PBX3: variants seen among roughly 807,000 people sequenced by gnomAD.
PBX3 encodes the protein pre-B-cell leukemia transcription factor 3.
In PBX3, 14 loss-of-function variants were observed where a neutral mutation model predicts 48.5. The ratio of observed to expected loss-of-function variants is 0.29; its 90% CI spans 0.19 to 0.45. PBX3 has a LOEUF of 0.45. Ranked by LOEUF, PBX3 falls within the 20% of genes least tolerant of loss-of-function variation. PBX3 has a pLI of 1.00. For synonymous variants in PBX3, 210 were observed against 200.3 expected, an observed-to-expected ratio of 1.05 and a Z score of -0.41; for missense variants, 386 against 546.7, an observed-to-expected ratio of 0.71 and a Z score of 2.93.
Position 125,915,798 on chromosome 9 carries a change from G to T in PBX3, c.387G>T (p.Ser129=). The change falls in exon 3 of 9, where the codon TCG becomes TCT. Residue 129 remains serine, a synonymous_variant. Transcript: ENST00000373489. ...CAGGTCCTGAGAAAGGTGGGGGATC[G>T]GCGGCAGCAGCTGCAGCCGCGGCAG... ...GVSGPEKGGG[S]AAAAAAAAAS... 1 of 1,613,442 alleles carries T rather than the reference G, an allele frequency of 6.2e-7. No individual in the cohort carries two copies. The highest frequency in any genetic ancestry group is 8.5e-7 in the Non-Finnish European group (1 of 1,179,840).
chr9:125,774,947 A>G (rs1588133280), intron 2 of PBX3, among the ~76,000 whole-genome samples: 1 of 151,832 alleles, frequency 6.6e-6, no homozygotes, highest in Non-Finnish European at 1.5e-5. Context: ...CCTTACTGCA[A>G]CCTCTGCTTC....
rs748417585 is a variant in PBX3 at position 125,876,227 on chromosome 9, T to C, written c.275-39459T>C. Among the ~76,000 whole-genome samples, 146 of 152,234 alleles carry C rather than the reference T, an allele frequency of 9.6e-4. 1 individual carries two copies. The highest frequency in any genetic ancestry group is 1.7e-3 in the Non-Finnish European group (113 of 68,034). ...TTGGCTTTTACTTATTTCCCACTTA[T>C]ACTGTTTAATGACAGTTATTTAAGA... On this transcript the variant is annotated intron_variant, in intron 2 of 8. Coordinates refer to ENST00000373489, the MANE Select transcript of PBX3 (RefSeq NM_006195.6).
At chr9:125,789,674 T>C (rs550743317) in intron 2 of PBX3, among the ~76,000 whole-genome samples, 1 of 152,214 alleles carries the variant, frequency 6.6e-6, no homozygotes, top group South Asian at 2.1e-4. Context: ...CAGTCCATGC[T>C]CAAGGGGAGG....
intron 2 of PBX3, among the ~76,000 whole-genome samples, chr9:125,811,985 A>C (rs946662268): frequency 4.6e-5 from 7 of 152,174 alleles, no homozygotes; most frequent in Non-Finnish European, 5.9e-5. Flanking sequence ...CATGAATTAT[A>C]TTAATACCCT....
intron 2 of PBX3, among the ~76,000 whole-genome samples, chr9:125,904,998 C>T (rs1395169816): frequency 6.6e-6 from 1 of 151,878 alleles, no homozygotes; most frequent in East Asian, 1.9e-4. Context: ...AGTTCAAAAT[C>T]AGGTCTCTTT....
At chr9:125,853,241 A>G (rs1239337423) in intron 2 of PBX3, among the ~76,000 whole-genome samples, 4 of 152,210 alleles carry the variant, frequency 2.6e-5, no homozygotes, top group African/African-American at 7.2e-5. Context: ...ATGCTGACAA[A>G]TTAAGGTCTC....
intron 2 of PBX3, among the ~76,000 whole-genome samples, chr9:125,786,682 T>G (rs1837465292): frequency 6.6e-6 from 1 of 151,952 alleles, no homozygotes; most frequent in South Asian, 2.1e-4. Flanking sequence ...GACATTTCGA[T>G]TTTTAAGACT....
intron 2 of PBX3, among the ~76,000 whole-genome samples, chr9:125,785,881 T>G (rs1682438736): frequency 6.6e-6 from 1 of 151,736 alleles, no homozygotes; most frequent in Non-Finnish European, 1.5e-5. Flanking sequence ...GGTTGGGAGA[T>G]GATACAAGGG....
At chr9:125,771,724 A>T (rs1836945227) in intron 2 of PBX3, among the ~76,000 whole-genome samples, 1 of 152,094 alleles carries the variant, frequency 6.6e-6, no homozygotes, top group Non-Finnish European at 1.5e-5. Context: ...GTAGGTACTG[A>T]ATATTTGCTA....
intron 5 of PBX3, among the ~76,000 whole-genome samples, chr9:125,960,397 C>A (rs368321813): frequency 6.6e-6 from 1 of 152,168 alleles, no homozygotes; most frequent in African/African-American, 2.4e-5. Context: ...TATTTATATA[C>A]TAATCGGTAT....
At chr9:125,780,115 T>A (rs1837215978) in intron 2 of PBX3, among the ~76,000 whole-genome samples, 1 of 126,046 alleles carries the variant, frequency 7.9e-6, no homozygotes, top group African/African-American at 3.1e-5. Context: ...GCAGAGGGGC[T>A]CCTCACTTCC....
At chr9:125,854,900 C>T (rs1360171024) in intron 2 of PBX3, among the ~76,000 whole-genome samples, 4 of 152,024 alleles carry the variant, frequency 2.6e-5, no homozygotes, top group African/African-American at 9.7e-5. Flanking sequence ...TTGGTTTTCT[C>T]ATTATAAAAA....
At chr9:125,939,276 G>A in intron 5 of PBX3, among the ~76,000 whole-genome samples, 1 of 151,872 alleles carries the variant, frequency 6.6e-6, no homozygotes, top group East Asian at 1.9e-4. Context: ...AAAAGACAAA[G>A]AACCGATTTC....
chr9:125,923,600 G>A (rs1164360330), intron 3 of PBX3, among the ~76,000 whole-genome samples: 6 of 152,132 alleles, frequency 3.9e-5, no homozygotes, highest in Non-Finnish European at 8.8e-5. Flanking sequence ...GGGTCTTGCT[G>A]TGTCACCCAG....
intron 2 of PBX3, among the ~76,000 whole-genome samples, chr9:125,853,517 A>G (rs538731669): frequency 6.6e-6 from 1 of 152,352 alleles, no homozygotes; most frequent in East Asian, 1.9e-4. Context: ...ACTGTAGAAT[A>G]CATCAAAATG....
chr9:125,764,418 CATAA>C (rs1207169324), intron 2 of PBX3, among the ~76,000 whole-genome samples: 10 of 152,156 alleles, frequency 6.6e-5, no homozygotes, highest in African/African-American at 1.9e-4. Context: ...GACAGGAAGA[CATAA>C]ATTAATAGAG....
chr9:125,904,102 T>G (rs1841015128), intron 2 of PBX3, among the ~76,000 whole-genome samples: 3 of 151,892 alleles, frequency 2.0e-5, no homozygotes, highest in Non-Finnish European at 4.4e-5. Flanking sequence ...CTAAAAATTA[T>G]TTGGAAGCAT....
chr9:125,761,344 A>G (rs1408876639), intron 2 of PBX3, among the ~76,000 whole-genome samples: 2 of 152,226 alleles, frequency 1.3e-5, no homozygotes, highest in African/African-American at 4.8e-5. Flanking sequence ...TTTGAGTAAG[A>G]GTAAAACATT....
rs144762328 is a variant in PBX3, at chr9:125,880,576, ACT to A, written c.275-35107_275-35106del. On this transcript the variant is annotated intron_variant, in intron 2 of 8. Transcript: ENST00000373489. ...GAAAGTTCTGGAGGGTGTTGGAAAC[ACT>A]CTGATTACTACAGAAATCATGCTTT... Among the ~76,000 whole-genome samples, 929 of 152,208 alleles carry A rather than the reference ACT, an allele frequency of 6.1e-3. 13 individuals carry two copies. Among genetic ancestry groups the A allele is most frequent in the African/African-American group, 0.022 (902 of 41,526 alleles).
Sources: allele counts gnomAD v4.1 joint callset (sites outside exome capture counted in the v4.1 genomes callset), GRCh38; gene constraint gnomAD v4.1.1; transcripts MANE v1.5; gene names NCBI Gene and HGNC (gene_info 2026-07-23, HGNC 2026-07-21).